Variants in PCSK5 observed in about 807,000 individuals in gnomAD.
The protein encoded by PCSK5 is proprotein convertase subtilisin/kexin type 5.
A neutral mutation model predicts 233.2 loss-of-function variants in PCSK5; 129 were observed. The ratio of observed to expected loss-of-function variants is 0.55; its 90% CI spans 0.48 to 0.64. PCSK5 has a LOEUF of 0.64. Ranked by LOEUF, PCSK5 falls within the 30% of genes least tolerant of loss-of-function variation. The pLI is 0.00. For missense variants in PCSK5, 2,076 were observed against 2,430.1 expected, an observed-to-expected ratio of 0.85 and a Z score of 3.06; for synonymous variants, 825 against 879.2, an observed-to-expected ratio of 0.94 and a Z score of 1.09.
chr9:76,104,398 C>G (rs1176422800), intron 8 of PCSK5, among the ~76,000 whole-genome samples: 1 of 152,108 alleles, frequency 6.6e-6, no homozygotes, highest in African/African-American at 2.4e-5. Context: ...GTCCTACTCA[C>G]CAGTCAAGTT....
At chr9:76,031,713 T>C (rs1018828872) in intron 5 of PCSK5, among the ~76,000 whole-genome samples, 1 of 152,028 alleles carries the variant, frequency 6.6e-6, no homozygotes, top group Non-Finnish European at 1.5e-5. Context: ...ATAAAATACC[T>C]CTAAAGATTA....
intron 9 of PCSK5, among the ~76,000 whole-genome samples, chr9:76,125,328 C>A (rs1832804682): frequency 6.6e-6 from 1 of 152,090 alleles, no homozygotes; most frequent in Non-Finnish European, 1.5e-5. Flanking sequence ...ACGTCCAGTC[C>A]CTACAAACAC....
intron 7 of PCSK5, among the ~76,000 whole-genome samples, chr9:76,087,263 T>G (rs1027756803): frequency 6.6e-6 from 1 of 152,188 alleles, no homozygotes; most frequent in Non-Finnish European, 1.5e-5. Flanking sequence ...CTTTTGTGAG[T>G]TGATGTTCTA....
At chr9:76,297,466 C>T (rs1485420561) in intron 27 of PCSK5, among the ~76,000 whole-genome samples, 1 of 152,104 alleles carries the variant, frequency 6.6e-6, no homozygotes, top group Non-Finnish European at 1.5e-5. Context: ...GGAGAGGGGA[C>T]AGGTGTGGGA....
intron 5 of PCSK5, among the ~76,000 whole-genome samples, chr9:76,033,061 T>C: frequency 6.6e-6 from 1 of 152,236 alleles, no homozygotes; most frequent in East Asian, 1.9e-4. Context: ...AGTTCTTTAG[T>C]TTCTTGTCAC....
In PCSK5 at chr9:76,310,653, T is replaced by C; in HGVS notation, c.3689-3T>C. The C allele has an allele frequency of 6.5e-7, 1 of 1,541,414 alleles. No homozygotes were observed. The highest frequency in any genetic ancestry group is 8.7e-7 in the Non-Finnish European group (1 of 1,146,926). ...CCATCTTCCCTCTTCCCTGAATTTC[T>C]AGGTGCATATCTTCTGGCTCAGGCC... On this transcript the variant is annotated splice_region_variant and splice_polypyrimidine_tract_variant and intron_variant, in intron 29 of 37. Coordinates refer to ENST00000674117, the MANE Select transcript of PCSK5 (RefSeq NM_001372043.1).
At chr9:76,174,309 A>ATTT in intron 13 of PCSK5, among the ~76,000 whole-genome samples, 1 of 143,330 alleles carries the variant, frequency 7.0e-6, no homozygotes, top group Admixed American at 7.0e-5. Context: ...CCAAAAAAAA[A>ATTT]TTTTTTTTTT....
intron 3 of PCSK5, among the ~76,000 whole-genome samples, chr9:75,991,479 C>T (rs1826765341): frequency 6.6e-6 from 1 of 152,184 alleles, no homozygotes; most frequent in South Asian, 2.1e-4. Flanking sequence ...TTAAAGCACA[C>T]TTGGTCAATT....
chr9:75,908,921 ATCTCTCTATCTCTCTCTCTG>A (rs1406385482), intron 1 of PCSK5, among the ~76,000 whole-genome samples: 19 of 113,336 alleles, frequency 1.7e-4, no homozygotes, highest in South Asian at 5.6e-4. Context: ...CTATCTATCT[ATCTCTCTATCTCTCTCTCTG>A]TCTATCTATC....
intron 16 of PCSK5, among the ~76,000 whole-genome samples, 178 bp downstream of exon 16, chr9:76,181,769 T>A (rs1261311383): frequency 6.6e-6 from 1 of 152,218 alleles, no homozygotes; most frequent in East Asian, 1.9e-4. Context: ...CTTATAACTT[T>A]GTCAGAGTAT....
chr9:76,055,411 T>A (rs1176342306), intron 5 of PCSK5, among the ~76,000 whole-genome samples: 4 of 152,178 alleles, frequency 2.6e-5, no homozygotes, highest in East Asian at 1.9e-4. Context: ...CTTAAATTTT[T>A]AAATTTTTTT....
intron 3 of PCSK5, among the ~76,000 whole-genome samples, chr9:76,000,824 T>TG (rs1827229380): frequency 6.6e-6 from 1 of 152,190 alleles, no homozygotes; most frequent in Non-Finnish European, 1.5e-5. Context: ...CCCCAGTATA[T>TG]TCTTTTTCTG....
chr9:76,289,003 G>A (rs897973559), intron 24 of PCSK5, among the ~76,000 whole-genome samples: 3 of 152,138 alleles, frequency 2.0e-5, no homozygotes, highest in Non-Finnish European at 4.4e-5. Flanking sequence ...GAAGCAGGAG[G>A]CAATGTCTCC....
At chr9:76,064,385 C>T (rs1179502100) in intron 5 of PCSK5, among the ~76,000 whole-genome samples, 2 of 115,582 alleles carry the variant, frequency 1.7e-5, no homozygotes, top group South Asian at 3.3e-4. Context: ...CCCTCCCGGA[C>T]GGCACGGCTG....
rs544075485 is a variant in PCSK5 at position 76,362,671 on chromosome 9, C to T, written c.*3749C>T. 1.1e-4 allele frequency among the ~76,000 whole-genome samples: 17 copies of T among 152,338 alleles called. No homozygotes were observed. Among genetic ancestry groups the T allele is most frequent in the African/African-American group, 2.4e-4 (10 of 41,598 alleles). On this transcript the variant is annotated 3_prime_UTR_variant, in exon 38 of 38. Coordinates refer to ENST00000674117, the MANE Select transcript of PCSK5 (RefSeq NM_001372043.1). ...TCCACAGGCAGACAGCCCGGCGCTA[C>T]GCCCTGGGCCTGGCAGTTAAAGATC...
At chr9:75,986,970 A>G (rs1042639292) in intron 3 of PCSK5, among the ~76,000 whole-genome samples, 19 of 152,164 alleles carry the variant, frequency 1.2e-4, no homozygotes, top group African/African-American at 4.3e-4. Flanking sequence ...CATGTCACCA[A>G]TTTGCTCTAT....
At chr9:76,324,913 A>G (rs181940298) in intron 32 of PCSK5, among the ~76,000 whole-genome samples, 1 of 152,146 alleles carries the variant, frequency 6.6e-6, no homozygotes, top group East Asian at 1.9e-4. Context: ...CGAGAGCCTG[A>G]GAGTGACCTT....
At chr9:76,164,940 CA>C (rs35432278) in intron 12 of PCSK5, among the ~76,000 whole-genome samples, 115 of 141,482 alleles carry the variant, frequency 8.1e-4, no homozygotes, top group Middle Eastern at 3.6e-3. Context: ...GGTTTTTTAC[CA>C]AAAAAAAAAA....
chr9:76,197,068 C>T (rs73460317), intron 20 of PCSK5, among the ~76,000 whole-genome samples: 1,696 of 152,256 alleles, frequency 0.011, 33 homozygotes, highest in African/African-American at 0.038. Context: ...AGGAAGAGAG[C>T]GGGAAGAACA....
Sources: allele counts gnomAD v4.1 joint callset (sites outside exome capture counted in the v4.1 genomes callset), GRCh38; gene constraint gnomAD v4.1.1; transcripts MANE v1.5; gene names NCBI Gene and HGNC (gene_info 2026-07-23, HGNC 2026-07-21).